DUSP19: variants seen among roughly 807,000 people sequenced by gnomAD.
The protein encoded by DUSP19 is dual specificity protein phosphatase 19.
A neutral mutation model predicts 16.6 loss-of-function variants in DUSP19; 14 were observed. The ratio of observed to expected loss-of-function variants is 0.84; its 90% CI spans 0.56 to 1.32. DUSP19 has a LOEUF of 1.32. DUSP19 is among the 40% of genes most tolerant of loss of function. The pLI is 0.00. For missense variants in DUSP19, 258 were observed against 255.9 expected (o/e 1.01, Z -0.06); for synonymous variants, 81 against 90.5 (o/e 0.90, Z 0.59).
Position 183,082,825 on chromosome 2 carries a change from C to T in DUSP19, c.227-683C>T, listed in dbSNP as rs559710033. The stretch of plus-strand genomic sequence containing the variant: ...CTTCCCTTTTGTTCGTTCGTTCGTT[C>T]GTTCCTTCCTTCCTCCCTCCCTCCC... On this transcript the variant is annotated intron_variant, in intron 1 of 3. Transcript: ENST00000354221. Among the ~76,000 whole-genome samples, 110 of 150,698 alleles carry T rather than the reference C, an allele frequency of 7.3e-4. 3 individuals carry two copies. The South Asian group carries it at 0.023, about 31-fold the overall frequency.
intron 2 of DUSP19, among the ~76,000 whole-genome samples, chr2:183,084,795 G>A (rs1699639772): frequency 6.6e-6 from 1 of 152,176 alleles, no homozygotes; most frequent in African/African-American, 2.4e-5. Flanking sequence ...TGGTTATAAA[G>A]CTATTGCAGT....
At chr2:183,082,079 G>C (rs919859000) in intron 1 of DUSP19, among the ~76,000 whole-genome samples, 3 of 152,226 alleles carry the variant, frequency 2.0e-5, no homozygotes, top group Non-Finnish European at 4.4e-5. Flanking sequence ...GAAGGGCACA[G>C]CCCTAGTGAT....
chr2:183,085,401 T>A (rs1699646388), intron 2 of DUSP19, among the ~76,000 whole-genome samples: 1 of 151,990 alleles, frequency 6.6e-6, no homozygotes, highest in African/African-American at 2.4e-5. Flanking sequence ...GAGAATAGTG[T>A]TTTAAGGAGG....
rs1194029492 is a variant in DUSP19 at position 183,096,878 on chromosome 2, T to C, written c.*1220T>C. ...CCACAATCATTTACAGTTTTATCTT[T>C]GGCCTTTGAATAGGTTCTTTTTTCT... is the stretch of plus-strand genomic sequence containing the variant. On this transcript the variant is annotated 3_prime_UTR_variant, in exon 4 of 4. Coordinates refer to ENST00000354221, the MANE Select transcript of DUSP19 (RefSeq NM_080876.4). 2.0e-5 allele frequency: 3 copies of C among 152,588 alleles called. No homozygotes were observed. The highest frequency in any genetic ancestry group is 4.4e-5 in the Non-Finnish European group (3 of 68,044). 9.5% of individuals were successfully genotyped at this position (152,588 alleles called of 1,614,324 possible).
At chr2:183,083,602 T>C (rs773739237) in intron 2 of DUSP19, 48 bp downstream of exon 2, 1 of 1,522,298 alleles carries the variant, frequency 6.6e-7, no homozygotes, top group Middle Eastern at 1.8e-4. Context: ...AATATTTTAA[T>C]TGTTTTATTT....
intron 1 of DUSP19, among the ~76,000 whole-genome samples, chr2:183,082,281 C>T (rs1559127016): frequency 6.6e-6 from 1 of 152,158 alleles, no homozygotes; most frequent in African/African-American, 2.4e-5. Context: ...AAATCACCTG[C>T]AACCCCATTG....
chr2:183,084,618 T>C (rs1428709739), intron 2 of DUSP19, among the ~76,000 whole-genome samples: 2 of 152,026 alleles, frequency 1.3e-5, no homozygotes, highest in East Asian at 3.9e-4. Context: ...CAAAAGGCCA[T>C]GTAAGCCAAA....
At chr2:183,079,638 GT>G (rs1699567207) in intron 1 of DUSP19, among the ~76,000 whole-genome samples, 3 of 152,300 alleles carry the variant, frequency 2.0e-5, no homozygotes, top group Admixed American at 1.3e-4. Context: ...CTGTGGCCAC[GT>G]CTGTTCATGG....
rs370748792 is a variant in DUSP19 at position 183,094,106 on chromosome 2, T to C, written c.427-1325T>C. 1.2e-4 allele frequency among the ~76,000 whole-genome samples: 18 copies of C among 152,250 alleles called. No homozygotes were observed. In the East Asian group the frequency reaches 1.5e-3, roughly 13 times the overall value. Reference sequence around the variant, plus strand: ...AGAAAAGAGTAATATCCCATAGTAATGTAAGATGTGAAAAAAGAAAACAAT... The same window carrying C: ...AGAAAAGAGTAATATCCCATAGTAACGTAAGATGTGAAAAAAGAAAACAAT... On this transcript the variant is annotated intron_variant, in intron 3 of 3. Coordinates refer to ENST00000354221, the MANE Select transcript of DUSP19 (RefSeq NM_080876.4).
chr2:183,087,791 A>G (rs1050884809), intron 3 of DUSP19, among the ~76,000 whole-genome samples: 5 of 152,222 alleles, frequency 3.3e-5, no homozygotes, highest in Non-Finnish European at 7.3e-5. Context: ...ACAGAGAGAA[A>G]TAACTCTTCT....
chr2:183,093,762 C>T (rs925065749), intron 3 of DUSP19, among the ~76,000 whole-genome samples: 10 of 152,014 alleles, frequency 6.6e-5, no homozygotes, highest in South Asian at 4.1e-4. Context: ...GTTCAAAAGC[C>T]TATGTATGCA....
intron 2 of DUSP19, among the ~76,000 whole-genome samples, chr2:183,084,540 T>C (rs1041647637): frequency 6.6e-6 from 1 of 151,554 alleles, no homozygotes; most frequent in Admixed American, 6.6e-5. Context: ...GACCCTGGAA[T>C]AGAGAGTGTG....
intron 2 of DUSP19, 75 bp downstream of exon 2, chr2:183,083,629 G>A: frequency 7.7e-7 from 1 of 1,302,920 alleles, no homozygotes; most frequent in South Asian, 1.4e-5. Flanking sequence ...AACTGTATTG[G>A]TCCATCTTTG....
chr2:183,078,894 C>A lies in DUSP19; in HGVS notation c.-40C>A. The A allele has an allele frequency of 1.3e-6, 2 of 1,593,492 alleles. No individual in the cohort carries two copies. The highest frequency in any genetic ancestry group is 1.7e-6 in the Non-Finnish European group (2 of 1,164,510). ...GCAGTTCAGCCGTTTTCTATGCCTG[C>A]TGGATTTGTTTGTATTTGTTCCCAG... is the stretch of plus-strand genomic sequence containing the variant. On this transcript the variant is annotated 5_prime_UTR_variant, in exon 1 of 4. The change creates a new upstream start codon in the 5' untranslated region. Transcript: ENST00000354221.
chr2:183,079,052 T>C lies in DUSP19; in HGVS notation c.119T>C (p.Ile40Thr), dbSNP rs999556478. Residue 40 changes from isoleucine (I) to threonine (T), a missense_variant, in exon 1 of 4, where the codon ATT becomes ACT. Ile to Thr is a moderately conservative substitution (Grantham distance 89). Transcript: ENST00000354221. ...ATAGAAACATGGAAAGATGCCAGAA[T>C]TCATGTTGTGGAAGAAGTAGAGCCG... ...KIIETWKDAR[I>T]HVVEEVEPSS... The C allele has an allele frequency of 6.2e-7, 1 of 1,613,976 alleles. No homozygotes were observed. Among genetic ancestry groups the C allele is most frequent in the African/African-American group, 1.3e-5 (1 of 74,892 alleles).
chr2:183,083,658 T>C, intron 2 of DUSP19, 104 bp downstream of exon 2: 1 of 918,770 alleles, frequency 1.1e-6, no homozygotes, highest in Non-Finnish European at 1.6e-6. Context: ...TGGAGTTTAT[T>C]TGGTAACATT....
intron 3 of DUSP19, among the ~76,000 whole-genome samples, chr2:183,093,019 G>T (rs1699752759): frequency 6.6e-6 from 1 of 151,992 alleles, no homozygotes; most frequent in South Asian, 2.1e-4. Context: ...AGTTTTAATG[G>T]AAGTTAAATA....
intron 1 of DUSP19, among the ~76,000 whole-genome samples, chr2:183,081,162 G>A (rs1327332842): frequency 1.3e-5 from 2 of 152,114 alleles, no homozygotes; most frequent in Non-Finnish European, 2.9e-5. Context: ...ATAGGCCCTC[G>A]AACCATTTAA....
chr2:183,084,691 T>A lies in DUSP19; in HGVS notation c.273+1137T>A, dbSNP rs377545077. ...GCCACTGAGAAGTTACCCAGAGATG[T>A]AACAAGGTCAAATTTGCAGTTCAGA... On this transcript the variant is annotated intron_variant, in intron 2 of 3. Transcript: ENST00000354221. Among the ~76,000 whole-genome samples the A allele has an allele frequency of 5.9e-5, 9 of 152,300 alleles. No homozygotes were observed. The East Asian group carries it at 1.7e-3, about 29-fold the overall frequency.
Sources: gnomAD v4.1 joint callset for allele counts (sites outside exome capture counted in the v4.1 genomes callset) on GRCh38, gnomAD v4.1.1 for gene constraint, MANE v1.5 for transcripts, NCBI Gene and HGNC (gene_info 2026-07-23, HGNC 2026-07-21) for gene names.